Variants in VPS54 observed in about 807,000 individuals in gnomAD.
The protein encoded by VPS54 is VPS54 subunit of GARP complex.
Under a neutral mutation model 121.5 loss-of-function variants are expected in VPS54, and 45 were observed. The observed-to-expected ratio is 0.37, with a 90% CI of 0.29 to 0.47. VPS54 has a LOEUF of 0.47. Among genes scored for constraint, VPS54 ranks in the 20% least tolerant of loss-of-function variants. VPS54 has a pLI of 0.99. For missense variants in VPS54, 1,090 were observed against 1,131.4 expected (o/e 0.96, Z 0.52); for synonymous variants, 371 against 385.8 (o/e 0.96, Z 0.45).
At chr2:63,935,491 T>A (rs910915054) in intron 11 of VPS54, among the ~76,000 whole-genome samples, 1 of 152,176 alleles carries the variant, frequency 6.6e-6, no homozygotes, top group African/African-American at 2.4e-5. Flanking sequence ...CATCTTGTTT[T>A]GCGTCTTTTT....
intron 4 of VPS54, among the ~76,000 whole-genome samples, chr2:63,970,159 A>T (rs1676198378): frequency 2.0e-5 from 3 of 149,324 alleles, no homozygotes; most frequent in African/African-American, 2.5e-5. Context: ...TAGCTCTCTT[A>T]TCTTTGTATA....
intron 22 of VPS54, among the ~76,000 whole-genome samples, chr2:63,895,158 A>G (rs1026525319): frequency 6.6e-6 from 1 of 152,178 alleles, no homozygotes; most frequent in Non-Finnish European, 1.5e-5. Context: ...AAATCACATT[A>G]AAAAGTACAG....
At chr2:63,963,711 C>G (rs1675867737) in intron 6 of VPS54, among the ~76,000 whole-genome samples, 1 of 152,062 alleles carries the variant, frequency 6.6e-6, no homozygotes, top group African/African-American at 2.4e-5. Context: ...GCTCTTTCAT[C>G]TTCAATATGG....
At position 63,921,290 on chromosome 2, in the gene VPS54, C is replaced by A. The variant is rs201455446; in HGVS notation, c.1785G>T (p.Leu595=). Residue 595 remains leucine (L), a synonymous_variant, in exon 13 of 23, where the codon CTG becomes CTT. Coordinates refer to ENST00000272322, the MANE Select transcript of VPS54 (RefSeq NM_016516.3). ...ATAATAATTCCTGGATATTATTTGC[C>A]AGCTTTCCTAGCTCTGAGTCAGTTA... ...MKLTDSELGK[L]ANNIQELLYS... is the part of the protein sequence containing the mutation. The A allele has an allele frequency of 7.4e-6, 12 of 1,612,998 alleles. No homozygotes were observed. Among genetic ancestry groups the A allele is most frequent in the Non-Finnish European group, 1.0e-5 (12 of 1,179,428 alleles).
At chr2:63,993,113 C>G (rs770213831) in intron 1 of VPS54, among the ~76,000 whole-genome samples, 5 of 152,118 alleles carry the variant, frequency 3.3e-5, no homozygotes, top group Non-Finnish European at 5.9e-5. Flanking sequence ...ACACATCGCT[C>G]AGGACAAAAT....
intron 1 of VPS54, among the ~76,000 whole-genome samples, chr2:63,987,603 A>G (rs1425045645): frequency 6.6e-6 from 1 of 152,208 alleles, no homozygotes; most frequent in African/African-American, 2.4e-5. Context: ...CTGAATCTGT[A>G]GATTGCTTTG....
Position 64,015,484 on chromosome 2 carries a change from G to A in VPS54, c.-21+3454C>T, listed in dbSNP as rs561719734. Among the ~76,000 whole-genome samples the A allele has an allele frequency of 1.5e-4, 23 of 151,902 alleles. No homozygotes were observed. In the South Asian group the frequency reaches 4.6e-3, roughly 30 times the overall value. On this transcript the variant is annotated intron_variant, in intron 1 of 22. Transcript: ENST00000272322. ...AAACACTAGGTCCTTACCAGAAATC[G>A]TGCAGCCCCTAGGTTTACAATGGTA...
At chr2:63,948,414 G>GTTTTTT (rs560700373) in intron 8 of VPS54, among the ~76,000 whole-genome samples, 3 of 106,130 alleles carry the variant, frequency 2.8e-5, no homozygotes, top group Admixed American at 1.0e-4. Flanking sequence ...CACTTTTTCG[G>GTTTTTT]TTTTTTTTTT....
At chr2:63,966,867 T>C (rs1054154256) in intron 5 of VPS54, among the ~76,000 whole-genome samples, 2 of 152,248 alleles carry the variant, frequency 1.3e-5, no homozygotes, top group African/African-American at 2.4e-5. Context: ...AAAGTATGCA[T>C]ATCTTTACAT....
At chr2:63,975,117 T>A in intron 3 of VPS54, 2 of 1,288,428 alleles carry the variant, frequency 1.6e-6, no homozygotes, top group South Asian at 2.9e-5. Context: ...GTGATCTTGG[T>A]TCACTGCAAC....
intron 1 of VPS54, among the ~76,000 whole-genome samples, chr2:64,015,478 G>A (rs1330642981): frequency 6.6e-6 from 1 of 152,008 alleles, no homozygotes; most frequent in Non-Finnish European, 1.5e-5. Context: ...GTCCTTACCA[G>A]AAATCGTGCA....
intron 3 of VPS54, among the ~76,000 whole-genome samples, chr2:63,980,714 T>C (rs186212674): frequency 6.2e-4 from 95 of 152,194 alleles, no homozygotes; most frequent in African/African-American, 2.2e-3. Flanking sequence ...ACCTGACACA[T>C]GGAAGGCACT....
intron 3 of VPS54, among the ~76,000 whole-genome samples, chr2:63,979,087 T>G (rs538648410): frequency 6.6e-6 from 1 of 152,316 alleles, no homozygotes; most frequent in African/African-American, 2.4e-5. Context: ...CTTATTCTTG[T>G]TATTGGTGAC....
At chr2:63,987,736 C>T (rs1458708369) in intron 1 of VPS54, among the ~76,000 whole-genome samples, 1 of 152,092 alleles carries the variant, frequency 6.6e-6, no homozygotes, top group Admixed American at 6.5e-5. Flanking sequence ...ACTGTAGAGA[C>T]TTTTCACTTT....
chr2:63,934,265 C>A (rs893647849), intron 11 of VPS54, among the ~76,000 whole-genome samples: 3 of 152,228 alleles, frequency 2.0e-5, no homozygotes, highest in Non-Finnish European at 4.4e-5. Flanking sequence ...AAATGGAAAT[C>A]TCCCTAAAAT....
Position 63,901,051 on chromosome 2 carries a change from C to T in VPS54, c.2626-1470G>A, listed in dbSNP as rs1038955503. ...CTGGGATTACAGGCGTGTGCCACCA[C>T]GTCCGACCTCAAATCCGTTTTATAC... is the stretch of plus-strand genomic sequence containing the variant. On this transcript the variant is annotated intron_variant, in intron 20 of 22. Transcript: ENST00000272322. Among the ~76,000 whole-genome samples the T allele has an allele frequency of 4.6e-5, 7 of 152,126 alleles. No homozygotes were observed. The South Asian group carries it at 6.2e-4, about 14-fold the overall frequency.
At chr2:63,977,805 C>G (rs944239635) in intron 3 of VPS54, among the ~76,000 whole-genome samples, 1 of 152,192 alleles carries the variant, frequency 6.6e-6, no homozygotes, top group Non-Finnish European at 1.5e-5. Context: ...TTAAAAAGAA[C>G]TGAGGTAAAT....
At chr2:63,946,154 T>C (rs569056234) in intron 9 of VPS54, among the ~76,000 whole-genome samples, 3 of 152,324 alleles carry the variant, frequency 2.0e-5, no homozygotes, top group African/African-American at 7.2e-5. Context: ...TATACTTTTC[T>C]GTGTCTGGTT....
intron 11 of VPS54, among the ~76,000 whole-genome samples, chr2:63,936,473 G>A (rs898353466): frequency 6.6e-6 from 1 of 152,128 alleles, no homozygotes; most frequent in Non-Finnish European, 1.5e-5. Context: ...CCAATCTTGA[G>A]AATGGAGTTA....
Sources: gnomAD v4.1 joint callset for allele counts (sites outside exome capture counted in the v4.1 genomes callset) on GRCh38, gnomAD v4.1.1 for gene constraint, MANE v1.5 for transcripts, NCBI Gene and HGNC (gene_info 2026-07-23, HGNC 2026-07-21) for gene names.